KIAA1328: variants seen among roughly 807,000 people sequenced by gnomAD.
KIAA1328 encodes protein hinderin.
Under a neutral mutation model 68.1 loss-of-function variants are expected in KIAA1328, and 52 were observed. The observed-to-expected ratio is 0.76, with a 90% CI of 0.61 to 0.96. The LOEUF (loss-of-function observed/expected upper bound fraction) is 0.96, where lower values mean the gene tolerates loss of function less well. KIAA1328 is among the 40% of genes least tolerant of loss of function. KIAA1328 has a pLI of 0.00. For synonymous variants in KIAA1328, 232 were observed against 239.4 expected, an observed-to-expected ratio of 0.97 and a Z score of 0.28; for missense variants, 641 against 677.6, an observed-to-expected ratio of 0.95 and a Z score of 0.60.
intron 7 of KIAA1328, among the ~76,000 whole-genome samples, chr18:37,072,531 C>A (rs1599158189): frequency 6.6e-6 from 1 of 151,932 alleles, no homozygotes; most frequent in East Asian, 1.9e-4. Context: ...ATGTCTTTTG[C>A]CAAATTTAGG....
rs34106395 is a variant in KIAA1328 at position 37,082,166 on chromosome 18, ATTTTTTTTTT to A, written c.1232+14634_1232+14643del. ...AGCTTGTCATTTACCTGCCCCAAGGATTTTTTTTTTTTTTTTTTTTTTGGATACAGCATCT... is the reference window on the plus strand; with the variant it reads ...AGCTTGTCATTTACCTGCCCCAAGGATTTTTTTTTTTTGGATACAGCATCT... On this transcript the variant is annotated intron_variant, in intron 7 of 9. Coordinates refer to ENST00000280020, the MANE Select transcript of KIAA1328 (RefSeq NM_020776.3). Among the ~76,000 whole-genome samples, 220 of 100,430 alleles carry A rather than the reference ATTTTTTTTTT, an allele frequency of 2.2e-3. 1 individual carries two copies. Among genetic ancestry groups the A allele is most frequent in the Non-Finnish European group, 2.3e-3 (126 of 53,798 alleles). 65.9% of individuals were successfully genotyped at this position (100,430 alleles called of 152,430 possible). A position where few individuals can be genotyped will look rare whatever the true frequency, so the allele number is the denominator to read the frequency against.
chr18:36,847,241 G>A (rs945765723), intron 4 of KIAA1328, among the ~76,000 whole-genome samples: 1 of 151,446 alleles, frequency 6.6e-6, no homozygotes, highest in African/African-American at 2.4e-5. Flanking sequence ...TCATGCACAA[G>A]TTTTTGCATG....
chr18:37,169,170 A>ATTTATTTATT (rs2059448239), intron 8 of KIAA1328, among the ~76,000 whole-genome samples: 1 of 131,170 alleles, frequency 7.6e-6, no homozygotes, highest in African/African-American at 2.9e-5. Context: ...ATTTATTTAT[A>ATTTATTTATT]TTTTTTTTTT....
intron 5 of KIAA1328, among the ~76,000 whole-genome samples, chr18:36,933,719 G>C (rs2050397270): frequency 6.6e-6 from 1 of 152,196 alleles, no homozygotes; most frequent in Non-Finnish European, 1.5e-5. Flanking sequence ...AAAGTACTTA[G>C]ATAGAGCTGC....
At chr18:36,848,295 TTTTTATGG>T in intron 4 of KIAA1328, among the ~76,000 whole-genome samples, 1 of 151,576 alleles carries the variant, frequency 6.6e-6, no homozygotes, top group East Asian at 1.9e-4. Flanking sequence ...ATCTTGAAGT[TTTTTATGG>T]CTTTTATACT....
At chr18:37,047,744 G>T (rs887240554) in intron 6 of KIAA1328, among the ~76,000 whole-genome samples, 3 of 152,114 alleles carry the variant, frequency 2.0e-5, no homozygotes, top group African/African-American at 7.2e-5. Context: ...TAGCACTCTT[G>T]ATAGACTTTA....
rs115053878 is a variant in KIAA1328, at chr18:37,107,809, A to G, written c.1232+40264A>G. 4.2e-3 allele frequency among the ~76,000 whole-genome samples: 643 copies of G among 152,254 alleles called. 4 individuals carry two copies. Among genetic ancestry groups the G allele is most frequent in the African/African-American group, 0.014 (594 of 41,528 alleles). On this transcript the variant is annotated intron_variant, in intron 7 of 9. Coordinates refer to ENST00000280020, the MANE Select transcript of KIAA1328 (RefSeq NM_020776.3). The stretch of plus-strand genomic sequence containing the variant: ...TTATAGAATCATCATCAGTGAAGAT[A>G]GAGTTTGACTTATGAGATGCCATCT...
intron 7 of KIAA1328, among the ~76,000 whole-genome samples, chr18:37,127,092 A>G (rs898461650): frequency 1.3e-5 from 2 of 152,216 alleles, no homozygotes; most frequent in Non-Finnish European, 2.9e-5. Context: ...AAAAAGAAAT[A>G]AAAGGCTACA....
At chr18:36,965,716 T>G (rs2051901958) in intron 6 of KIAA1328, among the ~76,000 whole-genome samples, 4 of 151,040 alleles carry the variant, frequency 2.6e-5, no homozygotes, top group African/African-American at 9.7e-5. Context: ...GTCTTATGAC[T>G]ACTTCCTATT....
intron 5 of KIAA1328, among the ~76,000 whole-genome samples, chr18:36,906,826 A>T (rs1407792643): frequency 6.6e-6 from 1 of 152,160 alleles, no homozygotes; most frequent in African/African-American, 2.4e-5. Context: ...GCATGATAGC[A>T]GAAGTGTGTG....
chr18:36,884,650 A>G (rs1422376738), intron 4 of KIAA1328, among the ~76,000 whole-genome samples: 1 of 152,188 alleles, frequency 6.6e-6, no homozygotes, highest in Non-Finnish European at 1.5e-5. Flanking sequence ...AAAGGTTTAG[A>G]TTCCCTGTGG....
At chr18:37,043,762 G>A (rs2055354199) in intron 6 of KIAA1328, among the ~76,000 whole-genome samples, 1 of 152,094 alleles carries the variant, frequency 6.6e-6, no homozygotes, top group African/African-American at 2.4e-5. Context: ...CTTTTAGTCT[G>A]TACTGAATGT....
intron 5 of KIAA1328, among the ~76,000 whole-genome samples, chr18:36,937,214 A>G (rs1469401400): frequency 1.3e-5 from 2 of 152,240 alleles, no homozygotes; most frequent in African/African-American, 4.8e-5. Flanking sequence ...TTAACTCAAG[A>G]TGGATTAAAG....
At chr18:36,949,597 T>C (rs7233854) in intron 5 of KIAA1328, among the ~76,000 whole-genome samples, 4,900 of 57,070 alleles carry the variant, frequency 0.086, 5 homozygotes, top group Admixed American at 0.098. Context: ...TCTACCCAGC[T>C]CCCCCCCCCC....
At chr18:37,064,530 G>A (rs927780883) in intron 6 of KIAA1328, among the ~76,000 whole-genome samples, 1 of 133,438 alleles carries the variant, frequency 7.5e-6, no homozygotes, top group Non-Finnish European at 1.6e-5. Context: ...ATGGTAGACT[G>A]AAAGTACCCC....
At chr18:36,993,703 T>A (rs1568266045) in intron 6 of KIAA1328, among the ~76,000 whole-genome samples, 1 of 152,134 alleles carries the variant, frequency 6.6e-6, no homozygotes, top group Non-Finnish European at 1.5e-5. Context: ...GCAAATTTTG[T>A]CATTGGGAGG....
intron 7 of KIAA1328, among the ~76,000 whole-genome samples, chr18:37,104,361 A>T (rs538984250): frequency 5.3e-5 from 8 of 152,372 alleles, no homozygotes; most frequent in Non-Finnish European, 1.2e-4. Flanking sequence ...AGTCATTTGC[A>T]GCAACATGGA....
intron 6 of KIAA1328, among the ~76,000 whole-genome samples, chr18:36,976,235 G>A (rs182613316): frequency 3.9e-5 from 6 of 152,228 alleles, no homozygotes; most frequent in Admixed American, 2.0e-4. Flanking sequence ...TGTAGTTCTG[G>A]AACAGAAATT....
chr18:37,127,431 A>G (rs981676527), intron 7 of KIAA1328, among the ~76,000 whole-genome samples: 1 of 152,190 alleles, frequency 6.6e-6, no homozygotes, highest in Non-Finnish European at 1.5e-5. Context: ...ACCCATGGCC[A>G]GGTGCAGTGG....
Sources: gnomAD v4.1 joint callset for allele counts (sites outside exome capture counted in the v4.1 genomes callset) on GRCh38, gnomAD v4.1.1 for gene constraint, MANE v1.5 for transcripts, NCBI Gene and HGNC (gene_info 2026-07-23, HGNC 2026-07-21) for gene names.